The following AKAP7 variants were observed in gnomAD, a reference collection of about 807,000 sequenced individuals.
The protein encoded by AKAP7 is A kinase (PRKA) anchor protein 7.
A neutral mutation model predicts 39.5 loss-of-function variants in AKAP7; 39 were observed. The ratio of observed to expected loss-of-function variants is 0.99; its 90% CI spans 0.76 to 1.29. AKAP7 has a LOEUF of 1.29. AKAP7 is among the 50% of genes most tolerant of loss of function. The probability of loss-of-function intolerance (pLI) is 0.00; values close to 1 mark genes in which losing one functional copy is unlikely to be tolerated. For synonymous variants in AKAP7, 140 were observed against 139.1 expected, an observed-to-expected ratio of 1.01 and a Z score of -0.05; for missense variants, 414 against 407.7, an observed-to-expected ratio of 1.02 and a Z score of -0.13.
intron 6 of AKAP7, among the ~76,000 whole-genome samples, chr6:131,205,027 T>A (rs1807955140): frequency 1.3e-5 from 2 of 151,942 alleles, no homozygotes; most frequent in African/African-American, 4.8e-5. Context: ...GTTGTCAGGG[T>A]AGACATGATG....
At chr6:131,159,283 C>T (rs662061) in intron 2 of AKAP7, among the ~76,000 whole-genome samples, 3,104 of 151,896 alleles carry the variant, frequency 0.02, 49 homozygotes, top group Non-Finnish European at 0.031. Flanking sequence ...TTAGTAGAGA[C>T]GAGGTTTCAC....
intron 5 of AKAP7, among the ~76,000 whole-genome samples, chr6:131,170,672 G>T (rs1803963625): frequency 6.6e-6 from 1 of 152,180 alleles, no homozygotes; most frequent in Admixed American, 6.5e-5. Flanking sequence ...GTGTACATTT[G>T]GCAGGGAGTG....
chr6:131,152,202 T>C (rs1374437155), intron 2 of AKAP7, among the ~76,000 whole-genome samples: 2 of 152,254 alleles, frequency 1.3e-5, no homozygotes, highest in Non-Finnish European at 2.9e-5. Context: ...CTCCAACTGA[T>C]GACTTTTTTG....
At chr6:131,159,752 C>T (rs1802770917) in intron 2 of AKAP7, among the ~76,000 whole-genome samples, 2 of 152,202 alleles carry the variant, frequency 1.3e-5, no homozygotes, top group African/African-American at 4.8e-5. Context: ...TGAGTCAGCT[C>T]ACTATGGCCC....
upstream of AKAP7, among the ~76,000 whole-genome samples, chr6:131,135,122 C>T (rs769378845): frequency 2.6e-5 from 4 of 152,202 alleles, no homozygotes; most frequent in Admixed American, 6.5e-5. Flanking sequence ...GTACATTTCG[C>T]TCTTCCCAAA....
chr6:131,202,595 C>T (rs4311533), intron 6 of AKAP7, among the ~76,000 whole-genome samples: 61,980 of 135,404 alleles, frequency 0.46, 13,957 homozygotes, highest in East Asian at 0.69. Flanking sequence ...GAACATCACA[C>T]GCTGGGGACT....
chr6:131,253,939 G>A (rs1296603132), intron 7 of AKAP7, among the ~76,000 whole-genome samples: 6 of 152,038 alleles, frequency 3.9e-5, no homozygotes, highest in Admixed American at 3.3e-4. Flanking sequence ...GTAAACATCG[G>A]GGTGCAGGTA....
intron 7 of AKAP7, among the ~76,000 whole-genome samples, chr6:131,258,704 A>G (rs992707172): frequency 6.6e-5 from 10 of 152,256 alleles, no homozygotes; most frequent in African/African-American, 2.4e-4. Context: ...AAGAATAAGT[A>G]TAGCTTTAAC....
intron 5 of AKAP7, among the ~76,000 whole-genome samples, chr6:131,169,829 T>C (rs1465239490): frequency 6.6e-6 from 1 of 152,202 alleles, no homozygotes; most frequent in Non-Finnish European, 1.5e-5. Context: ...TTTCATGTCA[T>C]GTCATGTCAT....
chr6:131,164,576 G>A, intron 3 of AKAP7: 1 of 347,510 alleles, frequency 2.9e-6, no homozygotes, highest in East Asian at 8.0e-5. Flanking sequence ...AATTATTGCT[G>A]TCGTAAAAAA....
At chr6:131,228,862 T>C (rs1810406930) in intron 7 of AKAP7, among the ~76,000 whole-genome samples, 1 of 152,196 alleles carries the variant, frequency 6.6e-6, no homozygotes. Context: ...ATCTAGACAG[T>C]TGCAACTAAA....
chr6:131,168,782 T>G (rs1263699257), intron 4 of AKAP7, among the ~76,000 whole-genome samples: 1 of 152,128 alleles, frequency 6.6e-6, no homozygotes, highest in Non-Finnish European at 1.5e-5. Flanking sequence ...AGGTACTCAG[T>G]TTTTTGGGAT....
At position 131,282,088 on chromosome 6, in the gene AKAP7, T is replaced by C. The variant is rs1815245488; in HGVS notation, c.*362T>C. On this transcript the variant is annotated 3_prime_UTR_variant, in exon 8 of 8. Transcript: ENST00000431975. ...GCCATTTATATTGCTTAGCAGGGCA[T>C]TTGACTACTTTATCTGAGGCCAGAA... The C allele has an allele frequency of 1.8e-6, 2 of 1,140,894 alleles. No individual in the cohort carries two copies. Among genetic ancestry groups the C allele is most frequent in the Non-Finnish European group, 2.1e-6 (2 of 930,910 alleles). 70.7% of individuals were successfully genotyped at this position (1,140,894 alleles called of 1,614,324 possible). A position where few individuals can be genotyped will look rare whatever the true frequency, so the allele number is the denominator to read the frequency against.
At chr6:131,185,761 T>C (rs1805784670) in intron 5 of AKAP7, among the ~76,000 whole-genome samples, 1 of 152,204 alleles carries the variant, frequency 6.6e-6, no homozygotes, top group Admixed American at 6.5e-5. Flanking sequence ...TTTCTCCCAC[T>C]CCATAGGTGG....
chr6:131,232,659 G>T (rs1381283010), intron 7 of AKAP7, among the ~76,000 whole-genome samples: 1 of 151,964 alleles, frequency 6.6e-6, no homozygotes, highest in Non-Finnish European at 1.5e-5. Context: ...AATACGAAAA[G>T]AATTAGCCAG....
At chr6:131,131,214 A>G (rs1644242861), upstream of AKAP7, among the ~76,000 whole-genome samples, 1 of 152,218 alleles carries the variant, frequency 6.6e-6, no homozygotes, top group African/African-American at 2.4e-5. Flanking sequence ...AAGTATTCTA[A>G]GACTTGGGCA....
chr6:131,242,210 T>C (rs1811680068), intron 7 of AKAP7: 1 of 983,352 alleles, frequency 1.0e-6, no homozygotes, highest in South Asian at 4.7e-5. Flanking sequence ...TGATTCTGGC[T>C]ATGAGTAAAG....
intron 1 of AKAP7, among the ~76,000 whole-genome samples, chr6:131,144,409 C>A (rs1324330435): frequency 6.6e-6 from 1 of 152,184 alleles, no homozygotes; most frequent in Non-Finnish European, 1.5e-5. Flanking sequence ...AATTAAAGGA[C>A]TTCTTAAACA....
chr6:131,276,890 A>C (rs116608612), intron 7 of AKAP7, among the ~76,000 whole-genome samples: 1 of 152,124 alleles, frequency 6.6e-6, no homozygotes, highest in African/African-American at 2.4e-5. Context: ...GGAGCCCTTC[A>C]TGTGACATCA....
Sources: gnomAD v4.1 joint callset for allele counts (sites outside exome capture counted in the v4.1 genomes callset) on GRCh38, gnomAD v4.1.1 for gene constraint, MANE v1.5 for transcripts, NCBI Gene and HGNC (gene_info 2026-07-23, HGNC 2026-07-21) for gene names.